Variants in CNTNAP5 observed in about 807,000 individuals in gnomAD.
CNTNAP5 encodes contactin associated protein family member 5.
CNTNAP5 carries 72 observed loss-of-function variants against 150.2 expected under a neutral mutation model. That is an observed-to-expected ratio of 0.48 (90% CI 0.40 to 0.58). The LOEUF is 0.58. Ranked by LOEUF, CNTNAP5 falls within the 20% of genes least tolerant of loss-of-function variation. The pLI, the probability that CNTNAP5 is intolerant of heterozygous loss-of-function variation, is 0.00. For missense variants in CNTNAP5, 1,636 were observed against 1,626.2 expected, an observed-to-expected ratio of 1.01 and a Z score of -0.10; for synonymous variants, 672 against 619.8, an observed-to-expected ratio of 1.08 and a Z score of -1.25.
chr2:124,060,244 A>T (rs779114586), intron 1 of CNTNAP5, among the ~76,000 whole-genome samples: 10 of 152,208 alleles, frequency 6.6e-5, no homozygotes, highest in Non-Finnish European at 1.0e-4. Flanking sequence ...CACTATGAAG[A>T]TATCTGTCAT....
chr2:124,798,453 A>G, intron 19 of CNTNAP5, 133 bp downstream of exon 19: 1 of 644,454 alleles, frequency 1.6e-6, no homozygotes, highest in Non-Finnish European at 2.7e-6. Context: ...ACTTCCAGCC[A>G]AATCCTTGAT....
At chr2:124,557,686 A>G (rs984487384) in intron 10 of CNTNAP5, among the ~76,000 whole-genome samples, 1 of 152,178 alleles carries the variant, frequency 6.6e-6, no homozygotes, top group African/African-American at 2.4e-5. Context: ...AATACACACT[A>G]AAGACAAATA....
intron 7 of CNTNAP5, among the ~76,000 whole-genome samples, chr2:124,476,600 G>A (rs960089746): frequency 3.3e-5 from 5 of 152,110 alleles, no homozygotes; most frequent in Non-Finnish European, 7.4e-5. Flanking sequence ...CCTTGTGATC[G>A]CAGTTGATAC....
At chr2:124,357,353 T>C (rs1690041862) in intron 3 of CNTNAP5, among the ~76,000 whole-genome samples, 1 of 152,230 alleles carries the variant, frequency 6.6e-6, no homozygotes, top group Admixed American at 6.5e-5. Flanking sequence ...GCCATTGCTT[T>C]TGGTGTTGTG....
At chr2:124,625,562 T>C (rs1216802124) in intron 12 of CNTNAP5, among the ~76,000 whole-genome samples, 1 of 152,184 alleles carries the variant, frequency 6.6e-6, no homozygotes, top group Non-Finnish European at 1.5e-5. Flanking sequence ...CAGTGCTCAG[T>C]GCTTAATAAG....
chr2:124,255,197 G>A (rs369678890), intron 3 of CNTNAP5, among the ~76,000 whole-genome samples: 7 of 152,078 alleles, frequency 4.6e-5, no homozygotes, highest in African/African-American at 1.7e-4. Flanking sequence ...CAATCAACCT[G>A]TGCAACATAA....
At chr2:124,077,753 T>G (rs1682471995) in intron 1 of CNTNAP5, among the ~76,000 whole-genome samples, 1 of 152,190 alleles carries the variant, frequency 6.6e-6, no homozygotes, top group African/African-American at 2.4e-5. Flanking sequence ...AATACCAGCT[T>G]TATAGAAAGT....
At position 124,339,505 on chromosome 2, in the gene CNTNAP5, AAGGGAATT is replaced by A. The variant is rs1689556919; in HGVS notation, c.382-77937_382-77930del. Among the ~76,000 whole-genome samples, 4 of 152,306 alleles carry A rather than the reference AAGGGAATT, an allele frequency of 2.6e-5. No individual in the cohort carries two copies. The South Asian group carries it at 8.3e-4, about 32-fold the overall frequency. ...TGGTAAACTGGGCCTTGTAAGGGCA[AAGGGAATT>A]GTTTCCTTCCCCTCTGAAGTTTTGA... On this transcript the variant is annotated intron_variant, in intron 3 of 23. Transcript: ENST00000682447.
At chr2:124,508,295 C>T in intron 8 of CNTNAP5, among the ~76,000 whole-genome samples, 1 of 152,238 alleles carries the variant, frequency 6.6e-6, no homozygotes, top group East Asian at 1.9e-4. Context: ...TATTAGATTT[C>T]CAGTAATGGA....
intron 6 of CNTNAP5, among the ~76,000 whole-genome samples, chr2:124,451,237 T>C (rs968667176): frequency 6.6e-6 from 1 of 150,822 alleles, no homozygotes; most frequent in Non-Finnish European, 1.5e-5. Context: ...AAATTCTTAG[T>C]CAAAAAAACA....
intron 20 of CNTNAP5, among the ~76,000 whole-genome samples, chr2:124,868,513 A>G (rs981359702): frequency 6.6e-6 from 1 of 152,142 alleles, no homozygotes; most frequent in Admixed American, 6.5e-5. Flanking sequence ...CATTGAGGCC[A>G]TCTCTGATCA....
chr2:124,621,981 A>G (rs1035814732), intron 12 of CNTNAP5, among the ~76,000 whole-genome samples: 14 of 152,174 alleles, frequency 9.2e-5, no homozygotes, highest in African/African-American at 2.9e-4. Context: ...TTTTAAGTTC[A>G]GTGCTACATA....
intron 2 of CNTNAP5, among the ~76,000 whole-genome samples, chr2:124,230,678 C>T (rs935653832): frequency 2.0e-5 from 3 of 151,882 alleles, no homozygotes; most frequent in Non-Finnish European, 4.4e-5. Context: ...ACTACAGGTG[C>T]ATGCCACTGT....
At chr2:124,843,575 G>A (rs970963708) in intron 19 of CNTNAP5, among the ~76,000 whole-genome samples, 1 of 152,026 alleles carries the variant, frequency 6.6e-6, no homozygotes, top group Admixed American at 6.6e-5. Flanking sequence ...GTTCTTTAAG[G>A]AATCTCTACA....
Position 124,713,372 on chromosome 2 carries a change from T to TTTCTTTCTTTC in CNTNAP5, c.2078-33848_2078-33847insTCTTCTTTCTT, listed in dbSNP as rs1553434537. 2.9e-5 allele frequency among the ~76,000 whole-genome samples: 4 copies of TTTCTTTCTTTC among 136,994 alleles called. No homozygotes were observed. In the East Asian group the frequency reaches 9.6e-4, roughly 33 times the overall value. The allele number at this position is 136,994 out of a possible 152,430, so 89.9% of individuals were successfully genotyped here. A position where few individuals can be genotyped will look rare whatever the true frequency, so the allele number is the denominator to read the frequency against. On this transcript the variant is annotated intron_variant, in intron 13 of 23. Coordinates refer to ENST00000682447, the MANE Select transcript of CNTNAP5 (RefSeq NM_001367498.1). ...CTTTCTTTCTTTCTTTCTTTCTTTC[T>TTTCTTTCTTTC]TTCTTTCTTCTCCCTCTTTTTTTGA... is the stretch of plus-strand genomic sequence containing the variant.
intron 10 of CNTNAP5, among the ~76,000 whole-genome samples, chr2:124,527,880 G>A (rs1392329718): frequency 5.3e-5 from 8 of 152,080 alleles, no homozygotes; most frequent in African/African-American, 9.7e-5. Context: ...AGAGGTTCCC[G>A]AAATGCCCAA....
rs951337145 is a variant in CNTNAP5 at position 124,240,950 on chromosome 2, C to A, written c.188-1250C>A. ...GTGGCGAGAAAGTAGACTGAAACAT[C>A]GCTAAAATGATTTTCAATGACATAG... On this transcript the variant is annotated intron_variant, in intron 2 of 23. Coordinates refer to ENST00000682447, the MANE Select transcript of CNTNAP5 (RefSeq NM_001367498.1). 6.6e-5 allele frequency among the ~76,000 whole-genome samples: 10 copies of A among 152,164 alleles called. No individual in the cohort carries two copies. In the East Asian group the frequency reaches 1.6e-3, roughly 24 times the overall value.
intron 3 of CNTNAP5, among the ~76,000 whole-genome samples, chr2:124,350,607 G>A (rs921132965): frequency 2.0e-5 from 3 of 150,630 alleles, no homozygotes; most frequent in South Asian, 2.1e-4. Flanking sequence ...AATATCTGAA[G>A]TTTATGTGGA....
chr2:124,224,813 C>G, intron 2 of CNTNAP5, among the ~76,000 whole-genome samples: 1 of 151,984 alleles, frequency 6.6e-6, no homozygotes, highest in East Asian at 1.9e-4. Context: ...AAGAAGAAAA[C>G]TTATAATTTT....
Sources: allele counts gnomAD v4.1 joint callset (sites outside exome capture counted in the v4.1 genomes callset), GRCh38; gene constraint gnomAD v4.1.1; transcripts MANE v1.5; gene names NCBI Gene and HGNC (gene_info 2026-07-23, HGNC 2026-07-21).